NPAS2: variants seen among roughly 807,000 people sequenced by gnomAD.
The protein encoded by NPAS2 is neuronal PAS domain-containing protein 2.
Under a neutral mutation model 107.5 loss-of-function variants are expected in NPAS2, and 23 were observed. The observed-to-expected ratio is 0.21, with a 90% CI of 0.15 to 0.30. The LOEUF is 0.30. Among genes scored for constraint, NPAS2 ranks in the 10% least tolerant of loss-of-function variants. The pLI is 1.00. For missense variants in NPAS2, 756 were observed against 1,043.3 expected (o/e 0.72, Z 3.79); for synonymous variants, 403 against 417.5 (o/e 0.97, Z 0.42).
intron 5 of NPAS2, among the ~76,000 whole-genome samples, chr2:100,940,933 A>AG (rs1491541058): frequency 6.6e-6 from 1 of 152,148 alleles, no homozygotes; most frequent in Non-Finnish European, 1.5e-5. Flanking sequence ...CAGGGTAGTC[A>AG]GGGGGCAGGA....
chr2:100,985,778 A>G (rs1677743787), intron 16 of NPAS2: 1 of 151,946 alleles, frequency 6.6e-6, no homozygotes, highest in African/African-American at 2.4e-5. Flanking sequence ...TTTTAATGTC[A>G]CTATTTTTTA....
intron 1 of NPAS2, among the ~76,000 whole-genome samples, chr2:100,854,726 G>A (rs1465438795): frequency 2.0e-5 from 3 of 152,136 alleles, no homozygotes; most frequent in African/African-American, 4.8e-5. Context: ...CTGTATGGCA[G>A]GAATCCACAG....
chr2:100,977,300 C>T (rs1170161271), intron 14 of NPAS2: 4 of 247,404 alleles, frequency 1.6e-5, no homozygotes, highest in Non-Finnish European at 2.4e-5. Context: ...AAGATACGGA[C>T]GCACAGCAGC....
At chr2:100,957,507 C>T (rs1208405336) in intron 7 of NPAS2, among the ~76,000 whole-genome samples, 5 of 152,258 alleles carry the variant, frequency 3.3e-5, no homozygotes, top group Non-Finnish European at 7.3e-5. Context: ...GACAAATACA[C>T]AATTCCATCT....
At chr2:100,975,233 T>C (rs1335648876) in intron 13 of NPAS2, 7 of 587,284 alleles carry the variant, frequency 1.2e-5, no homozygotes, top group East Asian at 2.9e-5. Context: ...AGGCAGCTCA[T>C]TGGACCAAGC....
chr2:100,839,242 C>T (rs1204598431), intron 1 of NPAS2, among the ~76,000 whole-genome samples: 2 of 152,160 alleles, frequency 1.3e-5, no homozygotes, highest in African/African-American at 4.8e-5. Flanking sequence ...GATTCTCCTG[C>T]CTCAGCCTCC....
At chr2:100,991,002 C>A in intron 19 of NPAS2, 130 bp downstream of exon 19, 1 of 757,528 alleles carries the variant, frequency 1.3e-6, no homozygotes, top group Non-Finnish European at 2.2e-6. Flanking sequence ...AGTGTGCCCA[C>A]AGCTGTGAAG....
chr2:100,906,948 A>T (rs1682187616), intron 2 of NPAS2, among the ~76,000 whole-genome samples: 1 of 152,168 alleles, frequency 6.6e-6, no homozygotes, highest in Non-Finnish European at 1.5e-5. Flanking sequence ...AGACTTCTTT[A>T]ATCTTAGACT....
At chr2:100,933,949 A>G (rs1206473671) in intron 4 of NPAS2, among the ~76,000 whole-genome samples, 1 of 152,228 alleles carries the variant, frequency 6.6e-6, no homozygotes, top group African/African-American at 2.4e-5. Flanking sequence ...TTATGTGCCT[A>G]TATAAGACTG....
intron 16 of NPAS2, chr2:100,982,876 T>A (rs6543004): frequency 0.12 from 18,348 of 153,146 alleles, 1,167 homozygotes; most frequent in Non-Finnish European, 0.13. Flanking sequence ...GCTGGGTGGC[T>A]CCCCATTTGT....
In NPAS2 at chr2:100,978,252, G is replaced by A. The variant is rs117840306; in HGVS notation, c.1482+453G>A. ...CTCCCACTTAGAAGTGAAAACATAC[G>A]ATATTTGGTTTTCCATTTCTGAGTT... is the stretch of plus-strand genomic sequence containing the variant. On this transcript the variant is annotated intron_variant, in intron 15 of 20. Coordinates refer to ENST00000335681, the MANE Select transcript of NPAS2 (RefSeq NM_002518.4). 1.5e-3 allele frequency among the ~76,000 whole-genome samples: 227 copies of A among 152,162 alleles called. 3 individuals carry two copies. The East Asian group carries it at 0.042, about 28-fold the overall frequency.
chr2:100,877,464 A>AAAAG (rs1558831805), intron 1 of NPAS2, among the ~76,000 whole-genome samples: 2 of 149,254 alleles, frequency 1.3e-5, no homozygotes, highest in African/African-American at 2.6e-5. Flanking sequence ...AAAAAAAAAA[A>AAAAG]AAAGAAATGG....
intron 6 of NPAS2, 109 bp downstream of exon 6, chr2:100,948,464 T>C: frequency 1.9e-6 from 2 of 1,032,260 alleles, no homozygotes; most frequent in Non-Finnish European, 2.7e-6. Context: ...ATAATTTTCC[T>C]CATGACTCAG....
chr2:100,863,583 A>C (rs1679071589), intron 1 of NPAS2, among the ~76,000 whole-genome samples: 1 of 152,202 alleles, frequency 6.6e-6, no homozygotes, highest in Non-Finnish European at 1.5e-5. Flanking sequence ...AATGGGTCAG[A>C]ATGGCATGAG....
chr2:100,972,273 A>G (rs1200631543), intron 12 of NPAS2, among the ~76,000 whole-genome samples: 1 of 152,202 alleles, frequency 6.6e-6, no homozygotes, highest in Non-Finnish European at 1.5e-5. Context: ...CCACTGAGAG[A>G]AAAATTGCTG....
At chr2:100,901,207 C>T (rs1023192102) in intron 1 of NPAS2, among the ~76,000 whole-genome samples, 1 of 151,862 alleles carries the variant, frequency 6.6e-6, no homozygotes, top group Admixed American at 6.6e-5. Context: ...AGGTGGGGAA[C>T]GATAAAACAA....
intron 16 of NPAS2, chr2:100,987,846 G>A (rs1356121220): frequency 8.7e-6 from 5 of 575,902 alleles, no homozygotes; most frequent in African/African-American, 7.5e-5. Context: ...TCACTTGCCT[G>A]TAACCTTCAT....
intron 3 of NPAS2, among the ~76,000 whole-genome samples, chr2:100,926,197 T>C (rs912169412): frequency 6.6e-6 from 1 of 152,148 alleles, no homozygotes; most frequent in African/African-American, 2.4e-5. Context: ...ATATTTGGGT[T>C]GTTTACAATT....
At chr2:100,956,152 C>T (rs546687264) in intron 7 of NPAS2, among the ~76,000 whole-genome samples, 44 of 152,284 alleles carry the variant, frequency 2.9e-4, no homozygotes, top group Admixed American at 1.4e-3. Flanking sequence ...GCAATCCTCC[C>T]GCCTTGGCCT....
Sources: gnomAD v4.1 joint callset for allele counts (sites outside exome capture counted in the v4.1 genomes callset) on GRCh38, gnomAD v4.1.1 for gene constraint, MANE v1.5 for transcripts, NCBI Gene and HGNC (gene_info 2026-07-23, HGNC 2026-07-21) for gene names.